Variants in PSMD1 observed in about 807,000 individuals in gnomAD.
The protein encoded by PSMD1 is 26S proteasome non-ATPase regulatory subunit 1.
PSMD1 carries 18 observed loss-of-function variants against 119.0 expected under a neutral mutation model. The observed-to-expected ratio is 0.15, with a 90% confidence interval of 0.10 to 0.22. The LOEUF is 0.22. PSMD1 is among the 10% of genes least tolerant of loss of function. PSMD1 has a pLI of 1.00. For missense variants in PSMD1, 702 were observed against 1,158.5 expected (o/e 0.61, Z 5.72); for synonymous variants, 374 against 396.6 (o/e 0.94, Z 0.68).
At chr2:231,086,971 A>G (rs1435159417) in intron 15 of PSMD1, 146 bp from the exon 16 acceptor site, 1 of 503,226 alleles carries the variant, frequency 2.0e-6, no homozygotes, top group Non-Finnish European at 3.5e-6. Context: ...TTTATTGTAT[A>G]TGTTTAGAGG....
At chr2:231,059,236 C>T (rs1216105262) in intron 1 of PSMD1, among the ~76,000 whole-genome samples, 1 of 152,136 alleles carries the variant, frequency 6.6e-6, no homozygotes, top group Non-Finnish European at 1.5e-5. Context: ...TTTATTACTG[C>T]CATTTAAGTT....
intron 19 of PSMD1, among the ~76,000 whole-genome samples, chr2:231,157,411 C>CT (rs1253971541): frequency 1.3e-4 from 20 of 149,462 alleles, no homozygotes; most frequent in Admixed American, 8.6e-4. Context: ...CTTTCAGCCT[C>CT]TGTTTGTCTT....
intron 15 of PSMD1, among the ~76,000 whole-genome samples, chr2:231,085,465 T>G (rs921904991): frequency 6.6e-6 from 1 of 152,200 alleles, no homozygotes; most frequent in Admixed American, 6.5e-5. Flanking sequence ...CAGGAACCAT[T>G]TATTTCTTTT....
At chr2:231,126,590 G>A (rs759196274) in intron 16 of PSMD1, among the ~76,000 whole-genome samples, 1 of 152,084 alleles carries the variant, frequency 6.6e-6, no homozygotes, top group Non-Finnish European at 1.5e-5. Context: ...TATATCCAGT[G>A]AAAAGACTTG....
intron 16 of PSMD1, among the ~76,000 whole-genome samples, chr2:231,131,655 G>A (rs1486988271): frequency 2.2e-5 from 2 of 89,984 alleles, no homozygotes; most frequent in Non-Finnish European, 1.9e-5. Context: ...CCAGCTACTT[G>A]GGAGGCTGAG....
intron 16 of PSMD1, among the ~76,000 whole-genome samples, chr2:231,116,528 A>G (rs1232923583): frequency 6.6e-6 from 1 of 151,958 alleles, no homozygotes; most frequent in East Asian, 1.9e-4. Context: ...GGAAAATTCT[A>G]GTCATAAATC....
At chr2:231,058,801 C>G (rs781369255) in intron 1 of PSMD1, among the ~76,000 whole-genome samples, 3 of 152,148 alleles carry the variant, frequency 2.0e-5, no homozygotes, top group Non-Finnish European at 4.4e-5. Flanking sequence ...CTGTTCCTTT[C>G]TAGTCTTCTC....
chr2:231,066,892 T>C lies in PSMD1; in HGVS notation c.305-14T>C. 6.4e-7 allele frequency: 1 copy of C among 1,566,228 alleles called. No individual in the cohort carries two copies. Among genetic ancestry groups the C allele is most frequent in the Non-Finnish European group, 8.6e-7 (1 of 1,160,308 alleles). On this transcript the variant is annotated splice_polypyrimidine_tract_variant and intron_variant, in intron 4 of 24. Transcript: ENST00000308696. ...CAATTTACAAGATAATCAGTTATTT[T>C]ATTTCCTCAACAGCAAAATGCATTG...
At chr2:231,057,181 G>C (rs954643151) in intron 1 of PSMD1, 140 bp downstream of exon 1, 2 of 1,085,478 alleles carry the variant, frequency 1.8e-6, no homozygotes, top group Non-Finnish European at 2.5e-6. Flanking sequence ...CCCACCCCCG[G>C]GCCGGGGGGC....
intron 12 of PSMD1, among the ~76,000 whole-genome samples, chr2:231,081,144 TAAAAAAAAAAA>T (rs368987456): frequency 4.1e-5 from 3 of 74,050 alleles, no homozygotes; most frequent in South Asian, 4.7e-4. Flanking sequence ...AAACTCTGTC[TAAAAAAAAAAA>T]AAAAAAAAAA....
At chr2:231,096,884 A>G (rs979081657) in intron 16 of PSMD1, among the ~76,000 whole-genome samples, 2 of 152,224 alleles carry the variant, frequency 1.3e-5, no homozygotes, top group Admixed American at 1.3e-4. Context: ...GTAGCAGGTA[A>G]TTGGAATGAG....
At chr2:231,058,070 A>G (rs980196318) in intron 1 of PSMD1, among the ~76,000 whole-genome samples, 2 of 152,236 alleles carry the variant, frequency 1.3e-5, no homozygotes, top group Non-Finnish European at 2.9e-5. Context: ...ACTTTCAAAC[A>G]TTTGAAGAGC....
At chr2:231,129,274 C>T (rs1473268107) in intron 16 of PSMD1, among the ~76,000 whole-genome samples, 3 of 152,174 alleles carry the variant, frequency 2.0e-5, no homozygotes, top group East Asian at 3.9e-4. Flanking sequence ...CAAGACTTTT[C>T]TTAGTTTGCT....
At chr2:231,138,700 C>G (rs779579234) in intron 16 of PSMD1, 36 bp from the exon 17 acceptor site, 2 of 1,465,526 alleles carry the variant, frequency 1.4e-6, no homozygotes, top group Non-Finnish European at 1.9e-6. Flanking sequence ...AAATAGATTA[C>G]CTATAACAGT....
At chr2:231,157,279 T>C (rs772324877) in intron 19 of PSMD1, among the ~76,000 whole-genome samples, 3 of 151,582 alleles carry the variant, frequency 2.0e-5, no homozygotes, top group Non-Finnish European at 4.4e-5. Context: ...GAAAAATAAA[T>C]TTTTAATTAA....
chr2:231,087,272 T>A, intron 16 of PSMD1, 91 bp downstream of exon 16: 1 of 1,099,978 alleles, frequency 9.1e-7, no homozygotes, highest in Non-Finnish European at 1.3e-6. Context: ...GTTTAGTCAC[T>A]AAACAAAAAC....
intron 8 of PSMD1, 53 bp downstream of exon 8, chr2:231,075,624 G>A: frequency 2.6e-6 from 4 of 1,542,796 alleles, no homozygotes; most frequent in Non-Finnish European, 3.5e-6. Context: ...CTGTCACCCA[G>A]GCTAGAACGC....
chr2:231,101,593 A>T (rs546072996), intron 16 of PSMD1, among the ~76,000 whole-genome samples: 6 of 152,348 alleles, frequency 3.9e-5, no homozygotes, highest in African/African-American at 1.4e-4. Flanking sequence ...AATAGCATCA[A>T]ACAGCATCTT....
chr2:231,078,913 G>C (rs1694239659), intron 10 of PSMD1, among the ~76,000 whole-genome samples, 166 bp downstream of exon 10: 1 of 144,376 alleles, frequency 6.9e-6, no homozygotes. Context: ...TCCTGCCTCA[G>C]CCTCCCAAGT....
Sources: allele counts gnomAD v4.1 joint callset (sites outside exome capture counted in the v4.1 genomes callset), GRCh38; gene constraint gnomAD v4.1.1; transcripts MANE v1.5; gene names NCBI Gene and HGNC (gene_info 2026-07-23, HGNC 2026-07-21).